CFAP54: variants seen among roughly 807,000 people sequenced by gnomAD.
CFAP54 encodes the protein cilia and flagella associated protein 54.
In CFAP54, 290 loss-of-function variants were observed where a neutral mutation model predicts 370.4. The ratio of observed to expected loss-of-function variants is 0.78; its 90% CI spans 0.71 to 0.86. CFAP54 has a LOEUF of 0.86. Among genes scored for constraint, CFAP54 ranks in the 40% least tolerant of loss-of-function variants. CFAP54 has a pLI of 0.00. For synonymous variants in CFAP54, 1,206 were observed against 1,236.5 expected, an observed-to-expected ratio of 0.98 and a Z score of 0.52; for missense variants, 3,399 against 3,528.7, an observed-to-expected ratio of 0.96 and a Z score of 0.93.
chr12:96,805,085 A>G (rs956716406), intron 63 of CFAP54, among the ~76,000 whole-genome samples: 1 of 152,128 alleles, frequency 6.6e-6, no homozygotes, highest in Non-Finnish European at 1.5e-5. Context: ...ACCAGATACA[A>G]AACTGAAGAT....
intron 48 of CFAP54, among the ~76,000 whole-genome samples, chr12:96,717,743 G>A (rs1258550401): frequency 2.0e-5 from 3 of 152,214 alleles, no homozygotes. Context: ...CACATCAGCA[G>A]AACTGATGCT....
chr12:96,542,238 T>A (rs1213917071), intron 14 of CFAP54, among the ~76,000 whole-genome samples: 2 of 152,206 alleles, frequency 1.3e-5, no homozygotes, highest in Non-Finnish European at 2.9e-5. Flanking sequence ...GTTCTCAAAT[T>A]TTGATTGTTA....
intron 67 of CFAP54, among the ~76,000 whole-genome samples, chr12:96,871,995 G>A (rs1960181962): frequency 6.6e-6 from 1 of 152,034 alleles, no homozygotes; most frequent in African/African-American, 2.4e-5. Context: ...ATCCTAGATA[G>A]GAAGGAAAGA....
chr12:96,601,028 G>T (rs574312055), intron 26 of CFAP54, among the ~76,000 whole-genome samples: 1 of 152,260 alleles, frequency 6.6e-6, no homozygotes, highest in Non-Finnish European at 1.5e-5. Flanking sequence ...GGGCATCCTT[G>T]TCTTGTGCTG....
At chr12:96,641,379 T>TACC (rs1956725866) in intron 32 of CFAP54, among the ~76,000 whole-genome samples, 1 of 152,174 alleles carries the variant, frequency 6.6e-6, no homozygotes, top group Admixed American at 6.5e-5. Context: ...CACAATGAGA[T>TACC]ACCATCTCAC....
At position 96,866,571 on chromosome 12, in the gene CFAP54, T is replaced by C. The variant is rs561345237; in HGVS notation, c.*14+5619T>C. Among the ~76,000 whole-genome samples, 3 of 152,310 alleles carry C rather than the reference T, an allele frequency of 2.0e-5. No individual in the cohort carries two copies. The East Asian group carries it at 5.8e-4, about 29-fold the overall frequency. On this transcript the variant is annotated intron_variant, in intron 67 of 67. Coordinates refer to ENST00000524981, the MANE Select transcript of CFAP54 (RefSeq NM_001306084.2). The stretch of plus-strand genomic sequence containing the variant: ...TACAAACCACCCTGAACCATCCCTT[T>C]AAATTGTACATGATGTGAAAACTGA...
chr12:96,704,711 G>A (rs372167846), intron 46 of CFAP54, 32 bp from the exon 47 acceptor site: 1 of 1,042,290 alleles, frequency 9.6e-7, no homozygotes, highest in Non-Finnish European at 1.4e-6. Flanking sequence ...AAGTAATCTT[G>A]TTCTTGCTGT....
intron 32 of CFAP54, among the ~76,000 whole-genome samples, chr12:96,638,684 G>A (rs1956689730): frequency 6.6e-6 from 1 of 152,112 alleles, no homozygotes; most frequent in African/African-American, 2.4e-5. Flanking sequence ...GAAGCTACCG[G>A]AAATGATTCT....
chr12:96,628,653 T>C (rs1956571168), intron 30 of CFAP54, among the ~76,000 whole-genome samples: 1 of 152,158 alleles, frequency 6.6e-6, no homozygotes, highest in South Asian at 2.1e-4. Context: ...CCCAAACGAA[T>C]GTCAACTAAC....
At chr12:96,750,236 C>T (rs946938148) in intron 55 of CFAP54, among the ~76,000 whole-genome samples, 1 of 152,154 alleles carries the variant, frequency 6.6e-6, no homozygotes, top group African/African-American at 2.4e-5. Context: ...AGATCCTGTA[C>T]CAGCTCTGTC....
At chr12:96,605,799 A>G (rs1049446317) in intron 26 of CFAP54, among the ~76,000 whole-genome samples, 2 of 152,182 alleles carry the variant, frequency 1.3e-5, no homozygotes, top group Non-Finnish European at 2.9e-5. Context: ...GGATGCAGGA[A>G]GATGACCACT....
At chr12:96,718,584 G>C (rs1265489547) in intron 49 of CFAP54, 62 bp downstream of exon 49, 3 of 941,200 alleles carry the variant, frequency 3.2e-6, no homozygotes, top group Non-Finnish European at 5.0e-6. Context: ...ATTAGGCCCT[G>C]GATGGGCCTG....
intron 50 of CFAP54, among the ~76,000 whole-genome samples, chr12:96,725,775 T>C (rs1372904769): frequency 2.0e-5 from 3 of 152,150 alleles, no homozygotes; most frequent in East Asian, 1.9e-4. Flanking sequence ...GGAATGCTTC[T>C]AGTTTTTGCC....
intron 67 of CFAP54, among the ~76,000 whole-genome samples, chr12:96,861,766 G>T (rs985120398): frequency 3.3e-5 from 5 of 152,168 alleles, no homozygotes; most frequent in African/African-American, 1.2e-4. Context: ...TTAATAAGGT[G>T]CTTAGCACAA....
rs2136547238 is a variant in CFAP54, at chr12:96,679,656, A to T, written c.5620A>T (p.Arg1874Trp). The change falls in exon 40 of 68, where the codon AGG (arginine) becomes TGG (tryptophan). Residue 1874 changes from arginine (R) to tryptophan (W), a missense_variant. This residue lies in a region of CFAP54 where 2,796 missense variants were observed against 2,869.7 expected (regional missense o/e 0.97). Coordinates refer to ENST00000524981, the MANE Select transcript of CFAP54 (RefSeq NM_001306084.2). ...GCCCGTGGACGTGACAGACACCTTG[A>T]GGTGTTTTAGAGAGACACTGGAAAA... Reference protein sequence around the residue: ...CVPVDVTDTLRCFRETLEKSK... With the variant: ...CVPVDVTDTLWCFRETLEKSK... 6.2e-7 allele frequency: 1 copy of T among 1,613,828 alleles called. No individual in the cohort carries two copies.
Position 96,564,457 on chromosome 12 carries a change from T to G in CFAP54, c.2411-11T>G, listed in dbSNP as rs773701857. On this transcript the variant is annotated splice_polypyrimidine_tract_variant and intron_variant, in intron 17 of 67. Transcript: ENST00000524981. ...ATACTTAATTGTTATGACAGTCGTC[T>G]TCTTCTTCAGTTTTGCAGACTCCAA... The G allele has an allele frequency of 2.1e-4, 147 of 688,924 alleles. No individual in the cohort carries two copies. Among genetic ancestry groups the G allele is most frequent in the African/African-American group, 1.2e-3 (69 of 56,926 alleles). 42.7% of individuals were successfully genotyped at this position (688,924 alleles called of 1,614,324 possible). A position where few individuals can be genotyped will look rare whatever the true frequency, so the allele number is the denominator to read the frequency against.
At chr12:96,617,863 G>A (rs576815207) in intron 26 of CFAP54, among the ~76,000 whole-genome samples, 5 of 151,856 alleles carry the variant, frequency 3.3e-5, no homozygotes, top group Middle Eastern at 3.4e-3. Context: ...GGTGGCGGGC[G>A]CCTGTAGTCC....
Position 96,534,230 on chromosome 12 carries a change from A to G in CFAP54, c.1705+3A>G. 1 of 1,402,026 alleles carries G rather than the reference A, an allele frequency of 7.1e-7. No individual in the cohort carries two copies. The highest frequency in any genetic ancestry group is 9.6e-7 in the Non-Finnish European group (1 of 1,040,874). 86.8% of individuals were successfully genotyped at this position (1,402,026 alleles called of 1,614,324 possible). A position where few individuals can be genotyped will look rare whatever the true frequency, so the allele number is the denominator to read the frequency against. Reference sequence around the variant, plus strand: ...TTTAAAAAAAATTGCTGTTCATGGTAAGTATTTATTTGTTTGTTCAAAAAA... The same window carrying G: ...TTTAAAAAAAATTGCTGTTCATGGTGAGTATTTATTTGTTTGTTCAAAAAA... On this transcript the variant is annotated splice_donor_region_variant and intron_variant, in intron 11 of 67. Transcript: ENST00000524981.
At chr12:96,797,439 C>T (rs1958776632) in intron 63 of CFAP54, among the ~76,000 whole-genome samples, 1 of 151,954 alleles carries the variant, frequency 6.6e-6, no homozygotes, top group Non-Finnish European at 1.5e-5. Flanking sequence ...AAATCTTTCA[C>T]TATGATTGTC....
Sources: allele counts gnomAD v4.1 joint callset (sites outside exome capture counted in the v4.1 genomes callset), GRCh38; gene constraint gnomAD v4.1.1; regional missense constraint gnomAD v4.1.1; transcripts MANE v1.5; gene names NCBI Gene and HGNC (gene_info 2026-07-23, HGNC 2026-07-21).